The following ZNF331 variants were observed in gnomAD, a reference collection of about 807,000 sequenced individuals.
The protein encoded by ZNF331 is zinc finger protein 331, also known as C2H2-like zinc finger protein rearranged in thyroid adenomas.
Under a neutral mutation model 7.0 loss-of-function variants are expected in ZNF331, and 2 were observed. The ratio of observed to expected loss-of-function variants is 0.29; its 90% confidence interval spans 0.12 to 0.90. The LOEUF (loss-of-function observed/expected upper bound fraction) is 0.90, where lower values mean the gene tolerates loss of function less well. ZNF331 is among the 40% of genes least tolerant of loss of function. The pLI is 0.58. For synonymous variants in ZNF331, 196 were observed against 205.4 expected (o/e 0.95, Z 0.39); for missense variants, 432 against 587.7 (o/e 0.74, Z 2.74).
Position 53,573,302 on chromosome 19 carries a change from G to C in ZNF331, c.136+1572G>C, listed in dbSNP as rs1423721768. ...CAGGCCAAGGCAGACGGATCACGAA[G>C]ATAGGAGTTCGAGACCAGCTTGGCC... On this transcript the variant is annotated intron_variant, in intron 5 of 5. Transcript: ENST00000449416. This position sits in a 1 kb window ranked among gnomAD's most constrained non-coding sequence, Gnocchi z 4.2. 6.6e-6 allele frequency among the ~76,000 whole-genome samples: 1 copy of C among 151,940 alleles called. No homozygotes were observed.
intron 2 of ZNF331, among the ~76,000 whole-genome samples, chr19:53,550,444 T>A (rs1000087379): frequency 1.3e-5 from 2 of 151,998 alleles, no homozygotes; most frequent in Non-Finnish European, 2.9e-5. Context: ...ATAATTAATA[T>A]ATCATCTTGA....
At chr19:53,554,111 G>A (rs1479622143) in intron 2 of ZNF331, among the ~76,000 whole-genome samples, 1 of 152,196 alleles carries the variant, frequency 6.6e-6, no homozygotes, top group Non-Finnish European at 1.5e-5. Context: ...AAGCCCCTGT[G>A]TGTTTGGGCC....
intron 2 of ZNF331, among the ~76,000 whole-genome samples, chr19:53,553,274 A>C (rs11673481): frequency 0.24 from 36,521 of 150,520 alleles, 5,056 homozygotes; most frequent in South Asian, 0.44. Context: ...CCTAGGCAAC[A>C]AGAGTGAAAC....
At chr19:53,526,843 C>T (rs570195550) in intron 2 of ZNF331, among the ~76,000 whole-genome samples, 89 of 151,816 alleles carry the variant, frequency 5.9e-4, no homozygotes, top group African/African-American at 1.5e-3. Context: ...TGAGCCACCG[C>T]GCCTGGCCCG....
chr19:53,515,502 G>T (rs11084259), upstream of ZNF331, among the ~76,000 whole-genome samples: 1 of 152,034 alleles, frequency 6.6e-6, no homozygotes, highest in African/African-American at 2.4e-5. Context: ...TGTTTGGTTG[G>T]TTGTTTGTTT....
chr19:53,517,981 T>C (rs555801381), upstream of ZNF331, among the ~76,000 whole-genome samples: 37 of 152,280 alleles, frequency 2.4e-4, no homozygotes, highest in East Asian at 6.2e-3. Context: ...CTTGATTGGA[T>C]TGAAGGAAGC....
At chr19:53,511,984 G>T in the ZNF331 span, 1 of 152,206 alleles carries the variant, frequency 6.6e-6, no homozygotes, top group African/African-American at 2.4e-5. Flanking sequence ...TATTAACACC[G>T]TGTGTCTAAA....
chr19:53,568,753 C>T lies in ZNF331; in HGVS notation c.-73-551C>T, dbSNP rs549588333. On this transcript the variant is annotated intron_variant, in intron 3 of 5. Transcript: ENST00000449416. ...AAATTGTCTGGGCCTGTCTTTGAGGCGCAAAAAAAAAAAAAAGTAAAGCCT... is the reference window on the plus strand; with the variant it reads ...AAATTGTCTGGGCCTGTCTTTGAGGTGCAAAAAAAAAAAAAAGTAAAGCCT... 1.6e-3 allele frequency among the ~76,000 whole-genome samples: 233 copies of T among 143,688 alleles called. 1 individual carries two copies. The highest frequency in any genetic ancestry group is 2.6e-3 in the Non-Finnish European group (174 of 66,420). 94.3% of individuals were successfully genotyped at this position (143,688 alleles called of 152,430 possible).
chr19:53,532,641 A>G (rs889650945), intron 2 of ZNF331, among the ~76,000 whole-genome samples: 3 of 152,208 alleles, frequency 2.0e-5, no homozygotes, highest in African/African-American at 7.2e-5. Context: ...TGAAGCCATC[A>G]TCAAGTCCTG....
chr19:53,534,948 T>C (rs1425455573), upstream of ZNF331, among the ~76,000 whole-genome samples: 3 of 148,470 alleles, frequency 2.0e-5, no homozygotes, highest in Admixed American at 6.8e-5. Context: ...TTTTCCTTAC[T>C]AATCTTTTTT....
intron 2 of ZNF331, among the ~76,000 whole-genome samples, chr19:53,530,024 GGAAGCATGGTATCGACATCTGGCATCCA>G (rs2087470422): frequency 6.6e-6 from 1 of 152,138 alleles, no homozygotes; most frequent in African/African-American, 2.4e-5. Context: ...AGGCTGAAAA[GGAAGCATGGTATCGACATCTGGCATCCA>G]CTTGGCTTCT....
chr19:53,522,666 T>C (rs2087131686), exon 2 of ZNF331: 1 of 152,234 alleles, frequency 6.6e-6, no homozygotes, highest in East Asian at 1.9e-4. Flanking sequence ...GTGTTATATG[T>C]CCTAAAGTAA....
chr19:53,526,782 G>T (rs528100173), intron 2 of ZNF331, among the ~76,000 whole-genome samples: 3 of 151,810 alleles, frequency 2.0e-5, no homozygotes, highest in South Asian at 2.1e-4. Flanking sequence ...TCGATCTCCT[G>T]ACCTCGTGAT....
At chr19:53,564,949 T>C (rs1426576102) in intron 3 of ZNF331, among the ~76,000 whole-genome samples, 1 of 152,232 alleles carries the variant, frequency 6.6e-6, no homozygotes, top group Non-Finnish European at 1.5e-5. Flanking sequence ...AAAAAACTGA[T>C]TTTTTGAACA....
chr19:53,513,643 C>CTTT, the ZNF331 span, among the ~76,000 whole-genome samples: 204 of 151,968 alleles, frequency 1.3e-3, no homozygotes, highest in African/African-American at 4.7e-3. Context: ...AGGCCCTTTA[C>CTTT]TTTTTTTCGT....
chr19:53,526,035 A>G (rs2147244081), intron 2 of ZNF331, among the ~76,000 whole-genome samples: 1 of 152,344 alleles, frequency 6.6e-6, no homozygotes, highest in Admixed American at 6.5e-5. Flanking sequence ...TGTGATGATC[A>G]TATGGATTTT....
chr19:53,563,361 C>T (rs183608501), intron 3 of ZNF331, among the ~76,000 whole-genome samples: 4 of 152,296 alleles, frequency 2.6e-5, no homozygotes, highest in Admixed American at 2.6e-4. Context: ...ACTGGGATTA[C>T]AGGTGTGAGC....
chr19:53,550,480 T>A (rs1382484129), intron 2 of ZNF331, among the ~76,000 whole-genome samples: 1 of 151,484 alleles, frequency 6.6e-6, no homozygotes, highest in Non-Finnish European at 1.5e-5. Context: ...TATTATATAA[T>A]GACATTCTTT....
chr19:53,536,341 CTT>C (rs2087748362), upstream of ZNF331: 1 of 152,168 alleles, frequency 6.6e-6, no homozygotes, highest in Admixed American at 6.5e-5. Context: ...AGTGAGGAAA[CTT>C]TACCACACTG....
Sources: allele counts gnomAD v4.1 joint callset (sites outside exome capture counted in the v4.1 genomes callset), GRCh38; gene constraint gnomAD v4.1.1; non-coding constraint Gnocchi (gnomAD v3.1); transcripts MANE v1.5; gene names NCBI Gene and HGNC (gene_info 2026-07-23, HGNC 2026-07-21).